Variants in MYO18B observed in about 807,000 individuals in gnomAD.
The protein encoded by MYO18B is myosin XVIIIB, also known as unconventional myosin-XVIIIb.
MYO18B carries 204 observed loss-of-function variants against 273.0 expected under a neutral mutation model. That is an observed-to-expected ratio of 0.75 (90% CI 0.67 to 0.84). The LOEUF (loss-of-function observed/expected upper bound fraction) is 0.84. Ranked by LOEUF, MYO18B falls within the 40% of genes least tolerant of loss-of-function variation. MYO18B has a pLI of 0.00. For synonymous variants in MYO18B, 1,330 were observed against 1,305.7 expected (o/e 1.02, Z -0.40); for missense variants, 3,212 against 3,287.6 (o/e 0.98, Z 0.56).
Position 25,904,615 on chromosome 22 carries a change from C to A in MYO18B, c.5148+784C>A, listed in dbSNP as rs2092003702. Among the ~76,000 whole-genome samples, 3 of 152,324 alleles carry A rather than the reference C, an allele frequency of 2.0e-5. No homozygotes were observed. In the East Asian group the frequency reaches 5.8e-4, roughly 29 times the overall value. ...AACAAAGGGAATAAGACAAAAATAT[C>A]AAATACTCTTGTACCAGTACCCTCT... On this transcript the variant is annotated intron_variant, in intron 31 of 43. Coordinates refer to ENST00000335473, the MANE Select transcript of MYO18B (RefSeq NM_032608.7).
intron 40 of MYO18B, among the ~76,000 whole-genome samples, chr22:25,993,861 T>C (rs967041730): frequency 1.3e-5 from 2 of 151,998 alleles, no homozygotes; most frequent in African/African-American, 4.8e-5. Context: ...CTGGAAGAAA[T>C]ACACCAACAT....
In MYO18B at chr22:25,920,181, G is replaced by T. The variant is rs182913273; in HGVS notation, c.5365-1076G>T. ...TTCATGTGGAGACACAGATTTCCAG[G>T]TGTGTAAAAACCACATCCCAGTGTT... On this transcript the variant is annotated intron_variant, in intron 33 of 43. Transcript: ENST00000335473. Among the ~76,000 whole-genome samples the T allele has an allele frequency of 2.9e-3, 435 of 152,238 alleles. 2 individuals carry two copies. The highest frequency in any genetic ancestry group is 4.6e-3 in the Non-Finnish European group (314 of 68,012).
intron 1 of MYO18B, among the ~76,000 whole-genome samples, chr22:25,750,423 G>A (rs930761778): frequency 1.3e-5 from 2 of 152,196 alleles, no homozygotes; most frequent in African/African-American, 4.8e-5. Context: ...GATGGAGGGG[G>A]AATCTGAAGA....
At chr22:25,781,936 T>A in intron 10 of MYO18B, 102 bp downstream of exon 10, 1 of 748,638 alleles carries the variant, frequency 1.3e-6, no homozygotes, top group Non-Finnish European at 1.9e-6. Context: ...TGAGAGGCCG[T>A]GGGACCCAGG....
the MYO18B span, among the ~76,000 whole-genome samples, chr22:26,047,385 C>T: frequency 6.6e-6 from 1 of 152,132 alleles, no homozygotes; most frequent in African/African-American, 2.4e-5. Flanking sequence ...CTTGGCCTCC[C>T]AAAGTGCTGG....
intron 11 of MYO18B, among the ~76,000 whole-genome samples, chr22:25,793,868 G>A (rs1693285386): frequency 6.6e-6 from 1 of 152,148 alleles, no homozygotes; most frequent in South Asian, 2.1e-4. Context: ...AAACATAAAA[G>A]TGTATAACGT....
Position 26,027,629 on chromosome 22 carries a change from G to A in MYO18B, c.7655G>A (p.Arg2552Lys), listed in dbSNP as rs1936365297. The change falls in exon 43 of 44, where the codon AGG becomes AAG. Residue 2552 changes from arginine (R) to lysine (K), a missense_variant. By Grantham distance (26) the Arg-to-Lys change is conservative. Transcript: ENST00000335473. The surrounding 1 kb of genome is among the most constrained non-coding windows in gnomAD (Gnocchi z 4.1). ...SPERREPGTG[R>K]KDDDVASIMK... ...GAGCGGAGAGAGCCAGGGACGGGGA[G>A]GAAAGACGACGATGTTGCGAGCATA... 1 of 1,613,794 alleles carries A rather than the reference G, an allele frequency of 6.2e-7. No individual in the cohort carries two copies.
At chr22:25,855,377 G>A (rs1052300761) in intron 21 of MYO18B, among the ~76,000 whole-genome samples, 9 of 146,436 alleles carry the variant, frequency 6.1e-5, no homozygotes, top group Admixed American at 3.6e-4. Flanking sequence ...TCTGCCTCCC[G>A]GGTTCACACC....
intron 42 of MYO18B, among the ~76,000 whole-genome samples, chr22:26,026,198 T>C (rs1936225062): frequency 6.6e-6 from 1 of 152,224 alleles, no homozygotes; most frequent in Non-Finnish European, 1.5e-5. Flanking sequence ...AGCTGCAGTT[T>C]TAATCTACTC....
chr22:25,792,461 C>T (rs1411124753), intron 11 of MYO18B, among the ~76,000 whole-genome samples: 3 of 147,578 alleles, frequency 2.0e-5, no homozygotes, highest in African/African-American at 7.5e-5. Flanking sequence ...CTGGCCTGTG[C>T]GGGCACCTAT....
Position 25,962,927 on chromosome 22 carries a change from G to A in MYO18B, c.6156+7563G>A, listed in dbSNP as rs868421605. Among the ~76,000 whole-genome samples, 12 of 152,074 alleles carry A rather than the reference G, an allele frequency of 7.9e-5. No individual in the cohort carries two copies. In the South Asian group the frequency reaches 1.7e-3, roughly 21 times the overall value. On this transcript the variant is annotated intron_variant, in intron 39 of 43. Transcript: ENST00000335473. Reference sequence around the variant, plus strand: ...GAGTCAGAGAGAAACCAGTTACAGGGATATAAACACAGACTCTTCACCCCT... The same window carrying A: ...GAGTCAGAGAGAAACCAGTTACAGGAATATAAACACAGACTCTTCACCCCT...
chr22:25,987,600 CAT>C, intron 39 of MYO18B, among the ~76,000 whole-genome samples: 1 of 152,212 alleles, frequency 6.6e-6, no homozygotes, highest in East Asian at 1.9e-4. Context: ...CATCCCCAAA[CAT>C]GTATTGAGTA....
chr22:25,989,626 C>CAAAAAAA (rs56004208), intron 39 of MYO18B, among the ~76,000 whole-genome samples: 1 of 88,606 alleles, frequency 1.1e-5, no homozygotes, highest in Non-Finnish European at 2.0e-5. Flanking sequence ...ACTAAAAATA[C>CAAAAAAA]AAAAAAAAAA....
At position 25,898,360 on chromosome 22, in the gene MYO18B, G is replaced by A. The variant is rs753538449; in HGVS notation, c.4722G>A (p.Leu1574=). The change falls in exon 29 of 44, where the codon CTG becomes CTA. Residue 1574 remains leucine (L), a synonymous_variant. Coordinates refer to ENST00000335473, the MANE Select transcript of MYO18B (RefSeq NM_032608.7). ...YDGAKKMAHQ[L]KRKCHHLTCD... ...GGGCCAAGAAGATGGCTCACCAACT[G>A]AAGAGGAAGTGCCACCATCTTACCT... is the stretch of plus-strand genomic sequence containing the variant. 13 of 1,613,960 alleles carry A rather than the reference G, an allele frequency of 8.1e-6. No individual in the cohort carries two copies. In the South Asian group the frequency reaches 1.4e-4, roughly 18 times the overall value.
chr22:25,928,701 A>C (rs2092456123), intron 34 of MYO18B, among the ~76,000 whole-genome samples: 1 of 152,190 alleles, frequency 6.6e-6, no homozygotes, highest in South Asian at 2.1e-4. Context: ...TAGGATTCAA[A>C]TCCTGCCAAT....
intron 7 of MYO18B, among the ~76,000 whole-genome samples, chr22:25,775,682 C>T (rs1008718906): frequency 6.6e-6 from 1 of 152,130 alleles, no homozygotes; most frequent in South Asian, 2.1e-4. Context: ...TTTTCATTCC[C>T]GCCCACTGGC....
At chr22:26,041,367 A>AAC in the MYO18B span, among the ~76,000 whole-genome samples, 2 of 150,204 alleles carry the variant, frequency 1.3e-5, no homozygotes, top group African/African-American at 4.9e-5. Context: ...AAAAAAAAAA[A>AAC]AAAAACAAAA....
chr22:25,894,001 A>G (rs994765196), intron 27 of MYO18B, among the ~76,000 whole-genome samples: 18 of 152,104 alleles, frequency 1.2e-4, no homozygotes, highest in Admixed American at 5.2e-4. Flanking sequence ...CCTCCACCCT[A>G]TCATCTAGTC....
At chr22:25,975,291 A>T (rs1300237166) in intron 39 of MYO18B, among the ~76,000 whole-genome samples, 1 of 152,178 alleles carries the variant, frequency 6.6e-6, no homozygotes, top group Non-Finnish European at 1.5e-5. Context: ...CAAGTGGCTG[A>T]TATAATTTCA....
Sources: gnomAD v4.1 joint callset for allele counts (sites outside exome capture counted in the v4.1 genomes callset) on GRCh38, gnomAD v4.1.1 for gene constraint, Gnocchi (gnomAD v3.1) non-coding constraint, MANE v1.5 for transcripts, NCBI Gene and HGNC (gene_info 2026-07-23, HGNC 2026-07-21) for gene names.